Variants in HAPLN2 observed in about 807,000 individuals in gnomAD.
HAPLN2 encodes brain link protein-1.
In HAPLN2, 27 loss-of-function variants were observed where a neutral mutation model predicts 29.3. The ratio of observed to expected loss-of-function variants is 0.92; its 90% CI spans 0.68 to 1.27. HAPLN2 has a LOEUF of 1.27. Among genes scored for constraint, HAPLN2 ranks in the 50% most tolerant of loss-of-function variants. The pLI, the probability that HAPLN2 is intolerant of heterozygous loss-of-function variation, is 0.00. For synonymous variants in HAPLN2, 208 were observed against 211.7 expected, an observed-to-expected ratio of 0.98 and a Z score of 0.15; for missense variants, 454 against 484.3, an observed-to-expected ratio of 0.94 and a Z score of 0.59.
At chr1:156,616,007 C>T (rs1350774765), upstream of HAPLN2, among the ~76,000 whole-genome samples, 2 of 152,034 alleles carry the variant, frequency 1.3e-5, no homozygotes, top group Admixed American at 6.6e-5. Context: ...TAAAGTCCTC[C>T]CTAAAGTGTC....
the HAPLN2 span, among the ~76,000 whole-genome samples, chr1:156,611,160 G>A: frequency 1.3e-5 from 2 of 151,248 alleles, no homozygotes; most frequent in South Asian, 4.2e-4. Context: ...GTACACGCCT[G>A]TAATCCTAGC....
At chr1:156,624,517 G>C in intron 5 of HAPLN2, 50 bp downstream of exon 5, 2 of 1,604,656 alleles carry the variant, frequency 1.2e-6, no homozygotes, top group Non-Finnish European at 8.5e-7. Flanking sequence ...CTGTCTCAGG[G>C]GCCCGAGAGA....
the HAPLN2 span, among the ~76,000 whole-genome samples, chr1:156,613,742 C>A: frequency 6.6e-6 from 1 of 151,502 alleles, no homozygotes; most frequent in Non-Finnish European, 1.5e-5. Flanking sequence ...ATGGTGAAGC[C>A]CCGTCTCTAT....
At chr1:156,624,909 G>GGGGCCCCCCCCCC in intron 6 of HAPLN2, 126 bp downstream of exon 6, 1 of 999,518 alleles carries the variant, frequency 1.0e-6, no homozygotes, top group Non-Finnish European at 1.4e-6. Flanking sequence ...CCCCCCATCA[G>GGGGCCCCCCCCCC]CCCGCCCGCC....
chr1:156,625,106 G>A lies in HAPLN2; in HGVS notation c.745G>A (p.Val249Met). Residue 249 changes from valine (V) to methionine (M), a missense_variant, in exon 7 of 7, where the codon GTG (valine) becomes ATG (methionine). By Grantham distance (21) the Val-to-Met change is conservative. Coordinates refer to ENST00000255039, the MANE Select transcript of HAPLN2 (RefSeq NM_021817.3). This position sits in a 1 kb window ranked among gnomAD's most constrained non-coding sequence, Gnocchi z 5.7. The stretch of plus-strand genomic sequence containing the variant: ...TGACCCGCTGTGGTCCCCAGGCCAA[G>A]TGTTCTTCGTGCCCGGGCGGCTGAC... ...FCFTSALAGQ[V>M]FFVPGRLTLS... is the part of the protein sequence containing the mutation. 1 of 1,538,032 alleles carries A rather than the reference G, an allele frequency of 6.5e-7. No individual in the cohort carries two copies. The highest frequency in any genetic ancestry group is 8.7e-7 in the Non-Finnish European group (1 of 1,146,566).
At chr1:156,608,233 A>G in the HAPLN2 span, among the ~76,000 whole-genome samples, 3 of 152,236 alleles carry the variant, frequency 2.0e-5, no homozygotes, top group African/African-American at 7.2e-5. Context: ...ACGTGCTCTC[A>G]GCACTATCAC....
the HAPLN2 span, among the ~76,000 whole-genome samples, chr1:156,604,919 C>CTTTTT: frequency 1.4e-5 from 2 of 139,734 alleles, no homozygotes; most frequent in Non-Finnish European, 3.1e-5. Flanking sequence ...TCCCAGCTGG[C>CTTTTT]TTTTTTTTTT....
Position 156,625,314 on chromosome 1 carries a change from G to A in HAPLN2, c.953G>A (p.Gly318Glu), listed in dbSNP as rs1253829494. Reference sequence around the variant, plus strand: ...CGCTGCGGGGGGCTCCCGGATCCCGGAGTGCGCAGTTTCGGCTTCCCCAGG... The same window carrying A: ...CGCTGCGGGGGGCTCCCGGATCCCGAAGTGCGCAGTTTCGGCTTCCCCAGG... ...RPRCGGLPDPGVRSFGFPRPQ... is the reference protein window; with the variant it reads ...RPRCGGLPDPEVRSFGFPRPQ... The change falls in exon 7 of 7, where the codon GGA (glycine) becomes GAA (glutamate). Residue 318 changes from glycine to glutamate, a missense_variant. Around this residue, in one of 3 missense-constraint regions of HAPLN2, gnomAD observed 235 missense variants for 236.9 expected, o/e 0.99. Transcript: ENST00000255039. The surrounding 1 kb of genome is among the most constrained non-coding windows in gnomAD (Gnocchi z 5.7). The A allele has an allele frequency of 6.3e-7, 1 of 1,590,874 alleles. No homozygotes were observed. The highest frequency in any genetic ancestry group is 8.5e-7 in the Non-Finnish European group (1 of 1,169,712).
intron 6 of HAPLN2, 126 bp downstream of exon 6, chr1:156,624,909 G>GGGCCCCCCCC: frequency 1.0e-6 from 1 of 999,504 alleles, no homozygotes; most frequent in Non-Finnish European, 1.4e-6. Context: ...CCCCCCATCA[G>GGGCCCCCCCC]CCCGCCCGCC....
chr1:156,607,546 G>A, the HAPLN2 span, among the ~76,000 whole-genome samples: 1 of 152,098 alleles, frequency 6.6e-6, no homozygotes, highest in Non-Finnish European at 1.5e-5. Context: ...GCAGAGGTGA[G>A]GTGCATATGA....
the HAPLN2 span, among the ~76,000 whole-genome samples, chr1:156,610,557 T>C: frequency 6.6e-6 from 1 of 151,884 alleles, no homozygotes; most frequent in African/African-American, 2.4e-5. Context: ...GGAGAATCGC[T>C]TGAACCAGGA....
intron 2 of HAPLN2, among the ~76,000 whole-genome samples, chr1:156,621,628 T>C (rs779984864): frequency 1.3e-5 from 2 of 150,794 alleles, no homozygotes; most frequent in Non-Finnish European, 2.9e-5. Flanking sequence ...TCCCAGCTAC[T>C]CAGGAGAATC....
rs748284267 is a variant in HAPLN2, at chr1:156,623,611, C to T, written c.85+36C>T. 4.3e-6 allele frequency: 7 copies of T among 1,612,050 alleles called. No homozygotes were observed. The East Asian group carries it at 1.6e-4, about 36-fold the overall frequency. Reference sequence around the variant, plus strand: ...AGCCCAGGCCAGAATCTGGGGGAGGCTTGGGGAGACTGCAAGGGTGGGGAA... The same window carrying T: ...AGCCCAGGCCAGAATCTGGGGGAGGTTTGGGGAGACTGCAAGGGTGGGGAA... On this transcript the variant is annotated intron_variant, in intron 3 of 6. Transcript: ENST00000255039.
chr1:156,613,916 CA>C, the HAPLN2 span, among the ~76,000 whole-genome samples: 12,471 of 115,400 alleles, frequency 0.11, 362 homozygotes, highest in South Asian at 0.22. Flanking sequence ...GATTCCTTCT[CA>C]AAAAAAAAAA....
upstream of HAPLN2, among the ~76,000 whole-genome samples, chr1:156,618,337 G>A (rs1420669009): frequency 6.7e-6 from 1 of 149,560 alleles, no homozygotes; most frequent in African/African-American, 2.5e-5. Flanking sequence ...TTAATTAGAC[G>A]GGTGTGGTGG....
upstream of HAPLN2, among the ~76,000 whole-genome samples, chr1:156,617,914 T>G (rs1300918654): frequency 6.6e-6 from 1 of 152,140 alleles, no homozygotes; most frequent in African/African-American, 2.4e-5. Flanking sequence ...GTACAATATA[T>G]GTACACACGT....
intron 2 of HAPLN2, among the ~76,000 whole-genome samples, chr1:156,621,823 G>T (rs1678236954): frequency 6.6e-6 from 1 of 151,490 alleles, no homozygotes; most frequent in Admixed American, 6.6e-5. Context: ...CATTGCTTGA[G>T]CCCAGGAATT....
At chr1:156,621,612 C>T (rs1197118164) in intron 2 of HAPLN2, among the ~76,000 whole-genome samples, 5 of 151,576 alleles carry the variant, frequency 3.3e-5, no homozygotes, top group African/African-American at 1.2e-4. Flanking sequence ...TGGTGGGTGC[C>T]TGTAGTCCCA....
chr1:156,615,523 T>C (rs1372488519), upstream of HAPLN2, among the ~76,000 whole-genome samples: 1 of 150,682 alleles, frequency 6.6e-6, no homozygotes, highest in Admixed American at 6.6e-5. Context: ...ACCACTGTAC[T>C]GCAGTTCTGA....
Sources: gnomAD v4.1 joint callset for allele counts (sites outside exome capture counted in the v4.1 genomes callset) on GRCh38, gnomAD v4.1.1 for gene constraint, gnomAD v4.1.1 regional missense constraint, Gnocchi (gnomAD v3.1) non-coding constraint, MANE v1.5 for transcripts, NCBI Gene and HGNC (gene_info 2026-07-23, HGNC 2026-07-21) for gene names.